DLGAP2: variants seen among roughly 807,000 people sequenced by gnomAD.
DLGAP2 encodes disks large-associated protein 2.
In DLGAP2, 26 loss-of-function variants were observed where a neutral mutation model predicts 100.3. The ratio of observed to expected loss-of-function variants is 0.26; its 90% CI spans 0.19 to 0.36. The LOEUF is 0.36. DLGAP2 is among the 10% of genes least tolerant of loss of function. The pLI is 1.00. For synonymous variants in DLGAP2, 886 were observed against 630.1 expected (o/e 1.41, Z -6.08); for missense variants, 1,858 against 1,453.2 (o/e 1.28, Z -4.53).
intron 1 of DLGAP2, among the ~76,000 whole-genome samples, chr8:771,031 C>G (rs1821342858): frequency 1.3e-5 from 2 of 152,072 alleles, no homozygotes; most frequent in Non-Finnish European, 2.9e-5. Context: ...GTGTCCTATT[C>G]TCCAGACAGG....
At chr8:1,567,371 T>C (rs1295003508) in intron 6 of DLGAP2, among the ~76,000 whole-genome samples, 1 of 152,218 alleles carries the variant, frequency 6.6e-6, no homozygotes, top group Non-Finnish European at 1.5e-5. Flanking sequence ...CCAGCCTCAG[T>C]CCTGGGGTTT....
chr8:1,588,807 AGCTACTCAGAAG>A lies in DLGAP2; in HGVS notation c.1442+22917_1442+22928del, dbSNP rs778240569. Among the ~76,000 whole-genome samples, 1,398 of 151,514 alleles carry A rather than the reference AGCTACTCAGAAG, an allele frequency of 9.2e-3. 12 individuals are homozygous for A. The highest frequency in any genetic ancestry group is 0.015 in the Non-Finnish European group (1,013 of 67,914). On this transcript the variant is annotated intron_variant, in intron 6 of 14. Transcript: ENST00000637795. ...CATGGTAGTACATGCCTGTAATCCC[AGCTACTCAGAAG>A]GCTGGAGCAGGAGAATCCCTTGACC...
intron 2 of DLGAP2, among the ~76,000 whole-genome samples, chr8:1,069,058 G>A (rs543835782): frequency 6.6e-6 from 1 of 152,304 alleles, no homozygotes; most frequent in South Asian, 2.1e-4. Flanking sequence ...CCCGGCTGAA[G>A]TTGGCGGGTA....
chr8:874,796 CATT>C (rs1211878078), intron 1 of DLGAP2, among the ~76,000 whole-genome samples: 1 of 152,132 alleles, frequency 6.6e-6, no homozygotes, highest in Non-Finnish European at 1.5e-5. Flanking sequence ...ATCTATCCAT[CATT>C]AAGAGTGTGG....
intron 2 of DLGAP2, among the ~76,000 whole-genome samples, chr8:1,242,855 G>C (rs1798827882): frequency 6.6e-6 from 1 of 152,046 alleles, no homozygotes; most frequent in Non-Finnish European, 1.5e-5. Context: ...CGGACGGGCA[G>C]ATGGACGGAT....
At chr8:1,042,399 A>G (rs532143180) in intron 2 of DLGAP2, among the ~76,000 whole-genome samples, 3 of 152,350 alleles carry the variant, frequency 2.0e-5, no homozygotes, top group Admixed American at 6.5e-5. Context: ...GAGGTGGCTT[A>G]GGATTTAACA....
rs563663165 is a variant in DLGAP2 at position 985,967 on chromosome 8, T to C, written c.73+78001T>C. On this transcript the variant is annotated intron_variant, in intron 2 of 14. Transcript: ENST00000637795. The stretch of plus-strand genomic sequence containing the variant: ...TGGAATAAAAACTTCCTGAAGAAGA[T>C]GCTCATTAGAGGGGAGTATGACTGG... Among the ~76,000 whole-genome samples the C allele has an allele frequency of 1.4e-3, 212 of 152,312 alleles. 2 individuals are homozygous for C. The highest frequency in any genetic ancestry group is 4.8e-3 in the African/African-American group (201 of 41,566).
chr8:943,064 C>A (rs535450299), intron 2 of DLGAP2, among the ~76,000 whole-genome samples: 1 of 152,320 alleles, frequency 6.6e-6, no homozygotes, highest in South Asian at 2.1e-4. Flanking sequence ...AATCCGAATT[C>A]CTGACTTTCA....
chr8:1,321,266 G>A (rs1462997298), intron 3 of DLGAP2, among the ~76,000 whole-genome samples: 1 of 151,572 alleles, frequency 6.6e-6, no homozygotes, highest in Admixed American at 6.6e-5. Context: ...TCTGTGCCAT[G>A]TGCGTGTGCG....
At chr8:1,284,073 C>G (rs1006006621) in intron 3 of DLGAP2, among the ~76,000 whole-genome samples, 51 of 152,154 alleles carry the variant, frequency 3.4e-4, no homozygotes, top group African/African-American at 1.2e-3. Context: ...AGGAAAAGTT[C>G]TTTCAAAATT....
At chr8:1,597,807 T>C (rs1212379649) in intron 6 of DLGAP2, among the ~76,000 whole-genome samples, 29 of 152,230 alleles carry the variant, frequency 1.9e-4, no homozygotes, top group Admixed American at 1.8e-3. Flanking sequence ...AATCATGTCA[T>C]CTGCAAACAG....
intron 2 of DLGAP2, among the ~76,000 whole-genome samples, chr8:1,121,702 ATG>A: frequency 1.2e-5 from 1 of 83,026 alleles, no homozygotes; most frequent in Admixed American, 1.1e-4. Context: ...TCCTGAACCC[ATG>A]ACCACCCATC....
intron 6 of DLGAP2, among the ~76,000 whole-genome samples, chr8:1,589,545 T>C (rs1796227516): frequency 6.6e-6 from 1 of 152,164 alleles, no homozygotes; most frequent in Non-Finnish European, 1.5e-5. Flanking sequence ...TCTAATCCTC[T>C]CACCGCAGCC....
intron 8 of DLGAP2, among the ~76,000 whole-genome samples, chr8:1,643,374 C>T (rs71499033): frequency 5.5e-5 from 1 of 18,156 alleles, no homozygotes; most frequent in Non-Finnish European, 8.5e-5. Flanking sequence ...AACCCGCCGG[C>T]CCTCACCTGT....
chr8:1,163,809 C>T (rs972559823), intron 2 of DLGAP2, among the ~76,000 whole-genome samples: 1 of 152,184 alleles, frequency 6.6e-6, no homozygotes, highest in Admixed American at 6.5e-5. Context: ...GAAGCAGCTG[C>T]CCGCGGGGTG....
At chr8:1,204,821 C>G (rs1030798176) in intron 2 of DLGAP2, among the ~76,000 whole-genome samples, 1 of 152,152 alleles carries the variant, frequency 6.6e-6, no homozygotes, top group Non-Finnish European at 1.5e-5. Flanking sequence ...GAGAGAGAAG[C>G]TTAGATTTAT....
intron 3 of DLGAP2, among the ~76,000 whole-genome samples, chr8:1,266,967 G>A (rs926579183): frequency 7.9e-5 from 12 of 152,154 alleles, no homozygotes; most frequent in Non-Finnish European, 4.4e-5. Context: ...GGTGGCTCAC[G>A]CCTATAATCC....
Position 963,230 on chromosome 8 carries a change from G to A in DLGAP2, c.73+55264G>A, listed in dbSNP as rs190203948. On this transcript the variant is annotated intron_variant, in intron 2 of 14. Transcript: ENST00000637795. Reference sequence around the variant, plus strand: ...AGGGAGCAGAGGTGGATGTAGCTTCGCCACCCCACGACCCCATTTGGAAAC... The same window carrying A: ...AGGGAGCAGAGGTGGATGTAGCTTCACCACCCCACGACCCCATTTGGAAAC... Among the ~76,000 whole-genome samples the A allele has an allele frequency of 2.2e-3, 329 of 152,040 alleles. 3 individuals are homozygous for A. Among genetic ancestry groups the A allele is most frequent in the African/African-American group, 7.8e-3 (323 of 41,348 alleles).
At chr8:1,538,724 G>C (rs1233707500) in intron 4 of DLGAP2, among the ~76,000 whole-genome samples, 1 of 152,076 alleles carries the variant, frequency 6.6e-6, no homozygotes, top group African/African-American at 2.4e-5. Flanking sequence ...TCTTATCAGA[G>C]GCAAAGCCCC....
Sources: allele counts gnomAD v4.1 joint callset (sites outside exome capture counted in the v4.1 genomes callset), GRCh38; gene constraint gnomAD v4.1.1; transcripts MANE v1.5; gene names NCBI Gene and HGNC (gene_info 2026-07-23, HGNC 2026-07-21).